PLBD1: variants seen among roughly 807,000 people sequenced by gnomAD.
PLBD1 encodes the protein phospholipase B domain containing 1.
In PLBD1, 60 loss-of-function variants were observed where a neutral mutation model predicts 63.0. That is an observed-to-expected ratio of 0.95 (90% CI 0.77 to 1.18). The LOEUF (loss-of-function observed/expected upper bound fraction) is 1.18, where lower values mean the gene tolerates loss of function less well. PLBD1 is among the 50% of genes most tolerant of loss of function. PLBD1 has a pLI of 0.00. For missense variants in PLBD1, 598 were observed against 677.9 expected (o/e 0.88, Z 1.31); for synonymous variants, 262 against 248.0 (o/e 1.06, Z -0.53).
chr12:14,562,208 C>CA (rs1217819948), intron 1 of PLBD1, among the ~76,000 whole-genome samples: 1 of 152,078 alleles, frequency 6.6e-6, no homozygotes, highest in Non-Finnish European at 1.5e-5. Context: ...CCTGTAATCC[C>CA]AGCACTTTGG....
chr12:14,528,024 G>A (rs528568273), intron 6 of PLBD1, among the ~76,000 whole-genome samples: 1 of 151,752 alleles, frequency 6.6e-6, no homozygotes, highest in Non-Finnish European at 1.5e-5. Flanking sequence ...CTAAATGATA[G>A]AGTATCAAAA....
intron 5 of PLBD1, chr12:14,536,006 A>G: frequency 1.9e-6 from 1 of 521,724 alleles, no homozygotes; most frequent in African/African-American, 2.0e-5. Context: ...TTCAAAATGG[A>G]AGACTCCAGC....
Position 14,505,221 on chromosome 12 carries a change from C to T in PLBD1, c.1479+941G>A, listed in dbSNP as rs186295684. On this transcript the variant is annotated intron_variant, in intron 10 of 10. Coordinates refer to ENST00000240617, the MANE Select transcript of PLBD1 (RefSeq NM_024829.6). ...GAACTTAGGATACTTTAAAGCATTT[C>T]CTGTTTAGGTATTAGGCTGATAGAG... 7.5e-4 allele frequency among the ~76,000 whole-genome samples: 113 copies of T among 151,626 alleles called. 2 individuals are homozygous for T. In the Middle Eastern group the frequency reaches 0.01, roughly 14 times the overall value.
intron 6 of PLBD1, among the ~76,000 whole-genome samples, chr12:14,512,733 C>T (rs948211142): frequency 6.6e-6 from 1 of 152,110 alleles, no homozygotes; most frequent in Non-Finnish European, 1.5e-5. Flanking sequence ...AGAAAAGGAC[C>T]TCAGTGGTAG....
chr12:14,519,416 C>T (rs891048478), intron 6 of PLBD1, among the ~76,000 whole-genome samples: 4 of 151,708 alleles, frequency 2.6e-5, no homozygotes, highest in Non-Finnish European at 4.4e-5. Context: ...GTAAGGAGAT[C>T]GAGACCACCT....
chr12:14,540,688 G>C, intron 4 of PLBD1, 76 bp downstream of exon 4: 1 of 1,361,934 alleles, frequency 7.3e-7, no homozygotes. Context: ...TTCTAAATTG[G>C]AATGTTATTT....
At chr12:14,512,632 T>C (rs779030145) in intron 6 of PLBD1, among the ~76,000 whole-genome samples, 2 of 152,064 alleles carry the variant, frequency 1.3e-5, no homozygotes, top group Non-Finnish European at 2.9e-5. Flanking sequence ...GGGATGAGTA[T>C]GGAAAGGATA....
intron 6 of PLBD1, among the ~76,000 whole-genome samples, chr12:14,527,759 T>C (rs931498538): frequency 6.6e-6 from 1 of 152,010 alleles, no homozygotes; most frequent in Non-Finnish European, 1.5e-5. Flanking sequence ...TCTCTGACAT[T>C]TATAACAGAT....
chr12:14,547,737 A>G (rs1945625962), intron 2 of PLBD1, among the ~76,000 whole-genome samples: 1 of 152,178 alleles, frequency 6.6e-6, no homozygotes, highest in Non-Finnish European at 1.5e-5. Context: ...CATGATGGCA[A>G]TAACACATCA....
chr12:14,536,843 C>T, intron 4 of PLBD1, 133 bp from the exon 5 acceptor site: 3 of 1,186,068 alleles, frequency 2.5e-6, no homozygotes, highest in South Asian at 2.9e-5. Context: ...AATCCCAGCA[C>T]TTTGGGAGGC....
At chr12:14,556,739 T>A (rs1945708680) in intron 1 of PLBD1, among the ~76,000 whole-genome samples, 1 of 149,494 alleles carries the variant, frequency 6.7e-6, no homozygotes, top group Admixed American at 6.7e-5. Context: ...AATTCCAGCA[T>A]TTTGGGAGGC....
At chr12:14,537,526 G>T (rs1945530317) in intron 4 of PLBD1, among the ~76,000 whole-genome samples, 1 of 152,206 alleles carries the variant, frequency 6.6e-6, no homozygotes, top group South Asian at 2.1e-4. Flanking sequence ...CAACTAAGAT[G>T]CTTTTGGTTT....
At position 14,532,226 on chromosome 12, in the gene PLBD1, C is replaced by T. The variant is rs187970179; in HGVS notation, c.844+3433G>A. Among the ~76,000 whole-genome samples the T allele has an allele frequency of 7.9e-5, 12 of 152,240 alleles. No homozygotes were observed. In the East Asian group the frequency reaches 1.2e-3, roughly 15 times the overall value. On this transcript the variant is annotated intron_variant, in intron 6 of 10. Transcript: ENST00000240617. The stretch of plus-strand genomic sequence containing the variant: ...GACCCAAGACAGTAGGAAGTCACAT[C>T]ACCAACTGCAGCAAAAGATTTGCTG...
Position 14,506,917 on chromosome 12 carries a change from G to C in PLBD1, c.1372+16C>G, listed in dbSNP as rs956751910. 2.5e-6 allele frequency: 4 copies of C among 1,601,258 alleles called. No homozygotes were observed. The African/African-American group carries it at 5.4e-5, about 21-fold the overall frequency. On this transcript the variant is annotated intron_variant, in intron 9 of 10. Coordinates refer to ENST00000240617, the MANE Select transcript of PLBD1 (RefSeq NM_024829.6). ...AGGAGTTTTGAAGAATGATTCTTGAGAAATATGCTACGTACTGTTGTATCG... is the reference window on the plus strand; with the variant it reads ...AGGAGTTTTGAAGAATGATTCTTGACAAATATGCTACGTACTGTTGTATCG...
At chr12:14,544,300 A>G (rs186841173) in intron 2 of PLBD1, among the ~76,000 whole-genome samples, 1 of 152,142 alleles carries the variant, frequency 6.6e-6, no homozygotes, top group African/African-American at 2.4e-5. Context: ...CAGCCTCCCG[A>G]GTAGCTGGGA....
chr12:14,511,315 C>T lies in PLBD1; in HGVS notation c.1131G>A (p.Val377=). Residue 377 remains valine (V), a synonymous_variant, in exon 8 of 11, where the codon GTG becomes GTA. Transcript: ENST00000240617. Reference sequence around the variant, plus strand: ...ATTCTACATATGTAGGAATTTGCTCCACAATGTACAGAGTGCCTTTGTCAA... The same window carrying T: ...ATTCTACATATGTAGGAATTTGCTCTACAATGTACAGAGTGCCTTTGTCAA... ...HSLDKGTLYI[V]EQIPTYVEYS... The T allele has an allele frequency of 1.2e-6, 2 of 1,611,132 alleles. No homozygotes were observed. The highest frequency in any genetic ancestry group is 1.1e-5 in the South Asian group (1 of 90,662).
At chr12:14,525,711 A>G (rs201036434) in intron 6 of PLBD1, among the ~76,000 whole-genome samples, 1 of 19,790 alleles carries the variant, frequency 5.1e-5, no homozygotes, top group Non-Finnish European at 1.2e-4. Flanking sequence ...ACACACACAC[A>G]CACGCACACA....
intron 6 of PLBD1, among the ~76,000 whole-genome samples, chr12:14,535,160 C>T (rs1016647438): frequency 3.9e-5 from 6 of 152,136 alleles, no homozygotes; most frequent in Non-Finnish European, 7.4e-5. Flanking sequence ...TTTATATTGT[C>T]CTCTTGAGTA....
chr12:14,553,346 T>C lies in PLBD1; in HGVS notation c.182A>G (p.Asp61Gly), dbSNP rs1945675008. The C allele has an allele frequency of 6.2e-7, 1 of 1,614,102 alleles. No homozygotes were observed. Among genetic ancestry groups the C allele is most frequent in the Admixed American group, 1.7e-5 (1 of 59,998 alleles). ...AAAGCCATAGGCGTCCCCATTCTTG[T>C]CCATTACATTTTTGACTTGTACTGT... ...EKTVQVKNVM[D>G]KNGDAYGFYN... The change falls in exon 2 of 11, where the codon GAC becomes GGC. Residue 61 changes from aspartate (D) to glycine (G), a missense_variant. Asp to Gly is a moderately conservative substitution (Grantham distance 94, BLOSUM62 -1). Coordinates refer to ENST00000240617, the MANE Select transcript of PLBD1 (RefSeq NM_024829.6).
Sources: gnomAD v4.1 joint callset for allele counts (sites outside exome capture counted in the v4.1 genomes callset) on GRCh38, gnomAD v4.1.1 for gene constraint, MANE v1.5 for transcripts, NCBI Gene and HGNC (gene_info 2026-07-23, HGNC 2026-07-21) for gene names.